Variants in SCUBE3 observed in about 807,000 individuals in gnomAD.
SCUBE3 encodes the protein signal peptide, CUB and EGF-like domain-containing protein 3.
A neutral mutation model predicts 116.8 loss-of-function variants in SCUBE3; 33 were observed. That is an observed-to-expected ratio of 0.28 (90% CI 0.21 to 0.38). The LOEUF is 0.38. Among genes scored for constraint, SCUBE3 ranks in the 10% least tolerant of loss-of-function variants. The pLI, the probability that SCUBE3 is intolerant of heterozygous loss-of-function variation, is 1.00. For synonymous variants in SCUBE3, 418 were observed against 496.9 expected, an observed-to-expected ratio of 0.84 and a Z score of 2.11; for missense variants, 1,007 against 1,324.8, an observed-to-expected ratio of 0.76 and a Z score of 3.72.
intron 1 of SCUBE3, among the ~76,000 whole-genome samples, chr6:35,218,686 G>A (rs1581907237): frequency 6.6e-6 from 1 of 152,096 alleles, no homozygotes; most frequent in Non-Finnish European, 1.5e-5. Flanking sequence ...GTATAGAAGC[G>A]AAACAACGGC....
chr6:35,216,734 G>C (rs1782910132), intron 1 of SCUBE3, among the ~76,000 whole-genome samples: 1 of 152,196 alleles, frequency 6.6e-6, no homozygotes, highest in East Asian at 1.9e-4. Flanking sequence ...TTTATATAAA[G>C]CACTAGCAGG....
chr6:35,246,523 A>G (rs1262034397), intron 21 of SCUBE3, among the ~76,000 whole-genome samples: 1 of 152,182 alleles, frequency 6.6e-6, no homozygotes, highest in African/African-American at 2.4e-5. Context: ...AGCGTCACCC[A>G]CACTATATTA....
In SCUBE3 at chr6:35,214,355, C is replaced by A; in HGVS notation, c.-64C>A. On this transcript the variant is annotated 5_prime_UTR_variant, in exon 1 of 22. Transcript: ENST00000274938. The surrounding 1 kb of genome is among the most constrained non-coding windows in gnomAD (Gnocchi z 6.3). ...CCCCTCCTGCGAGCTGGGATCCGGC[C>A]GGCTTCCGCCCTCCCCTGGCCGCGA... 1 of 1,092,304 alleles carries A rather than the reference C, an allele frequency of 9.2e-7. No individual in the cohort carries two copies. Among genetic ancestry groups the A allele is most frequent in the Non-Finnish European group, 1.2e-6 (1 of 830,252 alleles). The allele number at this position is 1,092,304 out of a possible 1,614,324, so 67.7% of individuals were successfully genotyped here. A position where few individuals can be genotyped will look rare whatever the true frequency, so the allele number is the denominator to read the frequency against.
At chr6:35,215,430 C>T (rs1236550928) in intron 1 of SCUBE3, among the ~76,000 whole-genome samples, 1 of 152,174 alleles carries the variant, frequency 6.6e-6, no homozygotes, top group South Asian at 2.1e-4. Context: ...CTGTACCCCT[C>T]CCCCATCGTG....
At chr6:35,215,881 A>T (rs1782869562) in intron 1 of SCUBE3, among the ~76,000 whole-genome samples, 1 of 152,210 alleles carries the variant, frequency 6.6e-6, no homozygotes, top group African/African-American at 2.4e-5. Context: ...GGTTCCAGAC[A>T]GCGCATCGCC....
Position 35,241,282 on chromosome 6 carries a change from T to C in SCUBE3, c.1195+16T>C. ...GATTGCACAGGTGGGCAGTGCCCTC[T>C]GCTGGCCAAAGATGACACTGCCATT... On this transcript the variant is annotated intron_variant, in intron 10 of 21. Transcript: ENST00000274938. The surrounding 1 kb of genome is among the most constrained non-coding windows in gnomAD (Gnocchi z 4.1). The C allele has an allele frequency of 6.3e-7, 1 of 1,581,262 alleles. No individual in the cohort carries two copies. Among genetic ancestry groups the C allele is most frequent in the Non-Finnish European group, 8.6e-7 (1 of 1,158,022 alleles).
Position 35,246,097 on chromosome 6 carries a change from G to A in SCUBE3, c.2752+1G>A. ...CAGATTCCCTATGTTACCTATGATG[G>A]TAAGCCAAGGAGGTGGGTGAGAAGG... On this transcript the variant is annotated splice_donor_variant, in intron 20 of 21. Transcript: ENST00000274938. LOFTEE classifies it high-confidence loss of function. 1 of 1,614,120 alleles carries A rather than the reference G, an allele frequency of 6.2e-7. No homozygotes were observed. Among genetic ancestry groups the A allele is most frequent in the Non-Finnish European group, 8.5e-7 (1 of 1,180,016 alleles).
At chr6:35,238,708 TTC>T (rs1394097136) in intron 7 of SCUBE3, among the ~76,000 whole-genome samples, 2 of 152,238 alleles carry the variant, frequency 1.3e-5, no homozygotes, top group African/African-American at 4.8e-5. Flanking sequence ...ACATTATGCA[TTC>T]TGTTTCCCTT....
Position 35,214,070 on chromosome 6 carries a change from C to G in SCUBE3, c.-349C>G, listed in dbSNP as rs1048181459. On this transcript the variant is annotated 5_prime_UTR_variant, in exon 1 of 22. Coordinates refer to ENST00000274938, the MANE Select transcript of SCUBE3 (RefSeq NM_152753.4). The surrounding 1 kb of genome is among the most constrained non-coding windows in gnomAD (Gnocchi z 6.3). ...GCGCTCTCCGGCTGCAGCTCTCTCC[C>G]GGCGAAGCTGGGAATTGGGTGGGAT... Among the ~76,000 whole-genome samples, 1 of 152,180 alleles carries G rather than the reference C, an allele frequency of 6.6e-6. No individual in the cohort carries two copies. The highest frequency in any genetic ancestry group is 1.5e-5 in the Non-Finnish European group (1 of 68,008).
chr6:35,238,204 G>C (rs1314844183), intron 7 of SCUBE3, among the ~76,000 whole-genome samples, 186 bp downstream of exon 7: 1 of 152,126 alleles, frequency 6.6e-6, no homozygotes, highest in African/African-American at 2.4e-5. Context: ...GAGAAGTCCA[G>C]CCAGTTCCTT....
Position 35,218,840 on chromosome 6 carries a change from C to T in SCUBE3, c.85+4337C>T, listed in dbSNP as rs914794698. Among the ~76,000 whole-genome samples the T allele has an allele frequency of 5.9e-5, 9 of 152,078 alleles. No homozygotes were observed. In the South Asian group the frequency reaches 6.2e-4, roughly 11 times the overall value. On this transcript the variant is annotated intron_variant, in intron 1 of 21. Transcript: ENST00000274938. ...ACCCAATGCCAGCCTCAAGTGGCAC[C>T]GGGGATATAGAGGTATATGGTGCCA...
intron 2 of SCUBE3, 54 bp downstream of exon 2, chr6:35,227,756 G>A (rs1351120311): frequency 6.3e-7 from 1 of 1,597,368 alleles, no homozygotes; most frequent in Non-Finnish European, 8.6e-7. Flanking sequence ...AGGCAAACCA[G>A]TGCCACTGCC....
In SCUBE3 at chr6:35,244,625, T is replaced by C; in HGVS notation, c.2240-25T>C. 6.2e-7 allele frequency: 1 copy of C among 1,608,556 alleles called. No individual in the cohort carries two copies. ...ACTCCCACCTGCCTACCATCTTGATTCCTGCCCTTCTCCCTTGCCTACAGT... is the reference window on the plus strand; with the variant it reads ...ACTCCCACCTGCCTACCATCTTGATCCCTGCCCTTCTCCCTTGCCTACAGT... On this transcript the variant is annotated intron_variant, in intron 17 of 21. Transcript: ENST00000274938. This position sits in a 1 kb window ranked among gnomAD's most constrained non-coding sequence, Gnocchi z 4.3.
In SCUBE3 at chr6:35,231,601, T is replaced by G; in HGVS notation, c.335-124T>G. On this transcript the variant is annotated intron_variant, in intron 3 of 21. Transcript: ENST00000274938. This position sits in a 1 kb window ranked among gnomAD's most constrained non-coding sequence, Gnocchi z 4.2. Reference sequence around the variant, plus strand: ...ATTAGCTGACAAGGGTGTGAGGACTTCCTGGCTTAAGGCTGGGCTTAGGGG... The same window carrying G: ...ATTAGCTGACAAGGGTGTGAGGACTGCCTGGCTTAAGGCTGGGCTTAGGGG... 1 of 765,048 alleles carries G rather than the reference T, an allele frequency of 1.3e-6. No homozygotes were observed. Among genetic ancestry groups the G allele is most frequent in the Non-Finnish European group, 1.9e-6 (1 of 515,852 alleles). The allele number at this position is 765,048 out of a possible 1,614,324, so 47.4% of individuals were successfully genotyped here. A position where few individuals can be genotyped will look rare whatever the true frequency, so the allele number is the denominator to read the frequency against.
chr6:35,225,988 A>G (rs535192180), intron 1 of SCUBE3, among the ~76,000 whole-genome samples: 3 of 152,310 alleles, frequency 2.0e-5, no homozygotes, highest in African/African-American at 7.2e-5. Flanking sequence ...AATGCCTCCC[A>G]TTCAGTGATC....
intron 21 of SCUBE3, among the ~76,000 whole-genome samples, chr6:35,246,851 C>A (rs528045875): frequency 6.6e-6 from 1 of 151,954 alleles, no homozygotes; most frequent in Admixed American, 6.6e-5. Context: ...CGGTGGCAGG[C>A]GCCTGTAATC....
rs1784314316 is a variant in SCUBE3, at chr6:35,245,856, C to T, written c.2600-88C>T. The T allele has an allele frequency of 1.5e-6, 2 of 1,376,154 alleles. No individual in the cohort carries two copies. Among genetic ancestry groups the T allele is most frequent in the Admixed American group, 1.9e-5 (1 of 52,206 alleles). The allele number at this position is 1,376,154 out of a possible 1,614,324, so 85.2% of individuals were successfully genotyped here. A position where few individuals can be genotyped will look rare whatever the true frequency, so the allele number is the denominator to read the frequency against. On this transcript the variant is annotated intron_variant, in intron 19 of 21. Transcript: ENST00000274938. The surrounding 1 kb of genome is among the most constrained non-coding windows in gnomAD (Gnocchi z 4.2). ...GTCAGAATGATTCTCTTGCCCTATA[C>T]CCCCACCACCAGCTGTACAGCCCAC...
At chr6:35,226,479 C>CTTTTTTTTTT (rs1562044702) in intron 1 of SCUBE3, among the ~76,000 whole-genome samples, 4 of 52,186 alleles carry the variant, frequency 7.7e-5, no homozygotes, top group South Asian at 1.1e-3. Context: ...TTTTCTATGT[C>CTTTTTTTTTT]CTTTTTTTTT....
chr6:35,214,599 G>A lies in SCUBE3; in HGVS notation c.85+96G>A. The A allele has an allele frequency of 4.1e-6, 3 of 737,052 alleles. No homozygotes were observed. The highest frequency in any genetic ancestry group is 5.8e-6 in the Non-Finnish European group (3 of 520,032). The allele number at this position is 737,052 out of a possible 1,614,324, so 45.7% of individuals were successfully genotyped here. A position where few individuals can be genotyped will look rare whatever the true frequency, so the allele number is the denominator to read the frequency against. ...CGAGGGGCAGGGCAGGTGCTGGGGA[G>A]CGTGCTGCTGTCAGAACCCGGCTCT... On this transcript the variant is annotated intron_variant, in intron 1 of 21. Transcript: ENST00000274938. This position sits in a 1 kb window ranked among gnomAD's most constrained non-coding sequence, Gnocchi z 6.3.
Sources: gnomAD v4.1 joint callset for allele counts (sites outside exome capture counted in the v4.1 genomes callset) on GRCh38, gnomAD v4.1.1 for gene constraint, Gnocchi (gnomAD v3.1) non-coding constraint, MANE v1.5 for transcripts, NCBI Gene and HGNC (gene_info 2026-07-23, HGNC 2026-07-21) for gene names.